COPS9: variants seen among roughly 807,000 people sequenced by gnomAD.
COPS9 encodes COP9 signalosome complex subunit 9.
In COPS9, 8 loss-of-function variants were observed where a neutral mutation model predicts 7.2. The observed-to-expected ratio is 1.11, with a 90% CI of 0.65 to 2.00. The LOEUF is 2.00. COPS9 is among the 30% of genes most tolerant of loss of function. COPS9 has a pLI of 0.00. For synonymous variants in COPS9, 39 were observed against 28.7 expected (o/e 1.36, Z -1.14); for missense variants, 74 against 77.7 (o/e 0.95, Z 0.18).
At chr2:240,135,208 C>T (rs1244090613) in intron 1 of COPS9, among the ~76,000 whole-genome samples, 1 of 152,092 alleles carries the variant, frequency 6.6e-6, no homozygotes, top group Non-Finnish European at 1.5e-5. Flanking sequence ...GTGAGCCAGT[C>T]GGCATCCCCC....
At chr2:240,129,738 G>A (rs546958535), downstream of COPS9, among the ~76,000 whole-genome samples, 2 of 152,224 alleles carry the variant, frequency 1.3e-5, no homozygotes, top group Non-Finnish European at 2.9e-5. Flanking sequence ...GAAATGAATT[G>A]CAAGAACATA....
intron 1 of COPS9, 193 bp downstream of exon 1, chr2:240,136,029 G>T: frequency 2.2e-6 from 2 of 918,070 alleles, no homozygotes; most frequent in Non-Finnish European, 3.0e-6. Flanking sequence ...TTCCCGCCGC[G>T]GTCGGTCGCC....
intron 2 of COPS9, 87 bp from the exon 3 acceptor site, chr2:240,131,175 A>C: frequency 7.3e-7 from 1 of 1,368,720 alleles, no homozygotes. Context: ...TAGTAGTCCA[A>C]AATACAGAGA....
Position 240,132,327 on chromosome 2 carries a change from G to C in COPS9, c.137-1239C>G, listed in dbSNP as rs1009524103. Among the ~76,000 whole-genome samples the C allele has an allele frequency of 3.9e-5, 6 of 152,168 alleles. No individual in the cohort carries two copies. The highest frequency in any genetic ancestry group is 7.3e-5 in the Non-Finnish European group (5 of 68,032). ...ACCCATCTGTTTGACGAGTAAAAAG[G>C]ACTTAGCAAAAGCCTCATCCACAGC... On this transcript the variant is annotated intron_variant, in intron 2 of 2. Coordinates refer to ENST00000607357, the MANE Select transcript of COPS9 (RefSeq NM_001163424.2). The surrounding 1 kb of genome is among the most constrained non-coding windows in gnomAD (Gnocchi z 4.1).
downstream of COPS9, among the ~76,000 whole-genome samples, chr2:240,130,456 C>T (rs532319119): frequency 4.2e-4 from 64 of 152,346 alleles, no homozygotes; most frequent in Non-Finnish European, 7.8e-4. Context: ...ACGTAGAAGG[C>T]GTCTCCTGCA....
rs2071934877 is a variant in COPS9, at chr2:240,132,677, A to G, written c.136+1256T>C. On this transcript the variant is annotated intron_variant, in intron 2 of 2. Coordinates refer to ENST00000607357, the MANE Select transcript of COPS9 (RefSeq NM_001163424.2). The surrounding 1 kb of genome is among the most constrained non-coding windows in gnomAD (Gnocchi z 4.1). ...TAACCAATGGGCTGGCAGAGGATAA[A>G]TGGGACTTTGAAGGAGATCATCAAA... Among the ~76,000 whole-genome samples, 1 of 152,216 alleles carries G rather than the reference A, an allele frequency of 6.6e-6. No homozygotes were observed. Among genetic ancestry groups the G allele is most frequent in the South Asian group, 2.1e-4 (1 of 4,830 alleles).
At chr2:240,130,586 C>T (rs764673741), downstream of COPS9, among the ~76,000 whole-genome samples, 1 of 152,242 alleles carries the variant, frequency 6.6e-6, no homozygotes, top group Non-Finnish European at 1.5e-5. Flanking sequence ...GCCCACACAG[C>T]AGAGGGGCGG....
At position 240,135,335 on chromosome 2, in the gene COPS9, T is replaced by C. The variant is rs550291766; in HGVS notation, c.63+887A>G. Among the ~76,000 whole-genome samples the C allele has an allele frequency of 5.3e-5, 8 of 152,188 alleles. No homozygotes were observed. The South Asian group carries it at 1.7e-3, about 32-fold the overall frequency. On this transcript the variant is annotated intron_variant, in intron 1 of 2. Transcript: ENST00000607357. The stretch of plus-strand genomic sequence containing the variant: ...TCAGCTGTACCTTTGCTGAGCCCCC[T>C]CAAAGCCCTGAGGGTCCATCCGTCG...
downstream of COPS9, among the ~76,000 whole-genome samples, chr2:240,128,767 C>A (rs1346206564): frequency 6.6e-6 from 1 of 152,190 alleles, no homozygotes; most frequent in Non-Finnish European, 1.5e-5. Context: ...CTCTTCCTGA[C>A]AGCCTCACGG....
chr2:240,131,220 T>G, intron 2 of COPS9, 132 bp from the exon 3 acceptor site: 1 of 1,103,702 alleles, frequency 9.1e-7, no homozygotes, highest in Non-Finnish European at 1.3e-6. Context: ...AAAAGACTTT[T>G]CCCGTAACAG....
chr2:240,129,895 G>A (rs2071903537), downstream of COPS9: 1 of 1,610,182 alleles, frequency 6.2e-7, no homozygotes, highest in East Asian at 2.2e-5. Context: ...CCTTCTTACA[G>A]AGATGCACTT....
chr2:240,127,860 C>T (rs371049496), downstream of COPS9, among the ~76,000 whole-genome samples: 1 of 152,180 alleles, frequency 6.6e-6, no homozygotes. Context: ...GTTGCTCTGC[C>T]TTGCTCAGCC....
chr2:240,135,948 G>A, intron 1 of COPS9: 1 of 491,746 alleles, frequency 2.0e-6, no homozygotes, highest in East Asian at 3.7e-5. Context: ...GTTCCCGGGG[G>A]CCGTGGGGGC....
At chr2:240,135,851 A>T in intron 1 of COPS9, 1 of 85,078 alleles carries the variant, frequency 1.2e-5, no homozygotes, top group East Asian at 3.5e-4. Context: ...CAAATCCCAC[A>T]CGAGGTTATG....
intron 2 of COPS9, among the ~76,000 whole-genome samples, chr2:240,131,482 A>G (rs1018740906): frequency 1.3e-5 from 2 of 152,178 alleles, no homozygotes; most frequent in Non-Finnish European, 2.9e-5. Flanking sequence ...TGAAGCTGGG[A>G]GGCACGTGCT....
chr2:240,128,600 T>C (rs1270468679), downstream of COPS9, among the ~76,000 whole-genome samples: 1 of 152,176 alleles, frequency 6.6e-6, no homozygotes, highest in Non-Finnish European at 1.5e-5. Flanking sequence ...GGGATCGGTA[T>C]AGAGGTCTCT....
chr2:240,136,215 G>T lies in COPS9; in HGVS notation c.63+7C>A, dbSNP rs578102958. ...ACGCTCGGAGACTCCCGCCGGGCCC[G>T]TGCCACCTCGTCCAGGTCCACGTAG... On this transcript the variant is annotated splice_region_variant and intron_variant, in intron 1 of 2. Coordinates refer to ENST00000607357, the MANE Select transcript of COPS9 (RefSeq NM_001163424.2). 1.4e-5 allele frequency: 21 copies of T among 1,536,592 alleles called. No individual in the cohort carries two copies. Among genetic ancestry groups the T allele is most frequent in the African/African-American group, 2.9e-5 (2 of 69,478 alleles).
At chr2:240,127,279 A>G (rs924500897), downstream of COPS9, among the ~76,000 whole-genome samples, 1 of 97,496 alleles carries the variant, frequency 1.0e-5, no homozygotes, top group Non-Finnish European at 1.9e-5. Context: ...TTATGACCCC[A>G]CCTTACAGCT....
Position 240,130,886 on chromosome 2 carries a change from C to A in COPS9, c.*165G>T. 2.1e-6 allele frequency: 3 copies of A among 1,437,976 alleles called. No homozygotes were observed. Among genetic ancestry groups the A allele is most frequent in the South Asian group, 1.5e-5 (1 of 64,770 alleles). 89.1% of individuals were successfully genotyped at this position (1,437,976 alleles called of 1,614,324 possible). On this transcript the variant is annotated 3_prime_UTR_variant, in exon 3 of 3. Transcript: ENST00000607357. The stretch of plus-strand genomic sequence containing the variant: ...AAACCTGATCCCGTTCAGAGATGAA[C>A]AGAATCATCTAGGTCGTTAAGAACA...
Sources: allele counts gnomAD v4.1 joint callset (sites outside exome capture counted in the v4.1 genomes callset), GRCh38; gene constraint gnomAD v4.1.1; non-coding constraint Gnocchi (gnomAD v3.1); transcripts MANE v1.5; gene names NCBI Gene and HGNC (gene_info 2026-07-23, HGNC 2026-07-21).